MAP4K4: variants seen among roughly 807,000 people sequenced by gnomAD.
The protein encoded by MAP4K4 is HPK/GCK-like kinase HGK.
Under a neutral mutation model 189.6 loss-of-function variants are expected in MAP4K4, and 38 were observed. The ratio of observed to expected loss-of-function variants is 0.20; its 90% CI spans 0.15 to 0.26. The LOEUF (loss-of-function observed/expected upper bound fraction) is 0.26. Among genes scored for constraint, MAP4K4 ranks in the 10% least tolerant of loss-of-function variants. The probability of loss-of-function intolerance (pLI) is 1.00; values close to 1 mark genes in which losing one functional copy is unlikely to be tolerated. For missense variants in MAP4K4, 1,054 were observed against 1,726.9 expected (o/e 0.61, Z 6.91); for synonymous variants, 610 against 624.3 (o/e 0.98, Z 0.34).
intron 3 of MAP4K4, among the ~76,000 whole-genome samples, chr2:101,802,678 G>A (rs1161143967): frequency 1.3e-5 from 2 of 152,082 alleles, no homozygotes; most frequent in South Asian, 2.1e-4. Flanking sequence ...CTATGTCACC[G>A]TATATAACTG....
intron 2 of MAP4K4, among the ~76,000 whole-genome samples, chr2:101,707,303 G>T (rs977069178): frequency 6.6e-6 from 1 of 151,452 alleles, no homozygotes; most frequent in African/African-American, 2.4e-5. Context: ...CCGCCTTGTG[G>T]GTACAAGCAA....
rs926877149 is a variant in MAP4K4, at chr2:101,731,241, C to T, written c.123+32703C>T. 2.0e-5 allele frequency among the ~76,000 whole-genome samples: 3 copies of T among 151,740 alleles called. No homozygotes were observed. The East Asian group carries it at 6.1e-4, about 31-fold the overall frequency. ...AAGTGATTCTATTGCCTCAACCTTCCGAGTAGCTGGGATTACGGGTGTGTG... is the reference window on the plus strand; with the variant it reads ...AAGTGATTCTATTGCCTCAACCTTCTGAGTAGCTGGGATTACGGGTGTGTG... On this transcript the variant is annotated intron_variant, in intron 2 of 32. Coordinates refer to ENST00000324219, the Ensembl canonical transcript of MAP4K4.
intron 3 of MAP4K4, among the ~76,000 whole-genome samples, chr2:101,794,583 A>G (rs1027489958): frequency 2.6e-5 from 4 of 152,228 alleles, no homozygotes; most frequent in Non-Finnish European, 4.4e-5. Flanking sequence ...AGCTATCACC[A>G]TGACACTTCA....
intron 2 of MAP4K4, 124 bp downstream of exon 2, chr2:101,698,662 G>T: frequency 3.6e-6 from 3 of 842,662 alleles, no homozygotes; most frequent in Non-Finnish European, 5.9e-6. Context: ...TGGGAGAGGG[G>T]TTTCTTTCGC....
chr2:101,825,458 C>A, intron 5 of MAP4K4, 29 bp downstream of exon 5: 3 of 1,422,862 alleles, frequency 2.1e-6, no homozygotes, highest in Non-Finnish European at 3.0e-6. Context: ...TACAGTGCTC[C>A]AACTCATGAT....
At chr2:101,814,126 G>A (rs1311049146) in intron 3 of MAP4K4, among the ~76,000 whole-genome samples, 2 of 152,178 alleles carry the variant, frequency 1.3e-5, no homozygotes, top group African/African-American at 4.8e-5. Flanking sequence ...ACTTAGGTGA[G>A]AAGCTGTGAG....
At chr2:101,790,685 G>A (rs1338492073) in intron 2 of MAP4K4, 35 bp from the exon 3 acceptor site, 2 of 1,526,842 alleles carry the variant, frequency 1.3e-6, no homozygotes, top group African/African-American at 1.4e-5. Flanking sequence ...AAAAAAATTG[G>A]TGCTGATTTT....
intron 28 of MAP4K4, among the ~76,000 whole-genome samples, chr2:101,883,514 T>G (rs2098438087): frequency 6.6e-6 from 1 of 152,138 alleles, no homozygotes. Flanking sequence ...AACAATTTTT[T>G]TTTAAACATG....
rs1455914025 is a variant in MAP4K4, at chr2:101,820,824, A to G, written c.181-3104A>G. ...GGAGGGAGCAGGCTCGATGTGCCCCATGACAGCAAGCCCTGGTCGCTACTG... is the reference window on the plus strand; with the variant it reads ...GGAGGGAGCAGGCTCGATGTGCCCCGTGACAGCAAGCCCTGGTCGCTACTG... On this transcript the variant is annotated intron_variant, in intron 3 of 32. Transcript: ENST00000324219. Among the ~76,000 whole-genome samples, 3 of 152,200 alleles carry G rather than the reference A, an allele frequency of 2.0e-5. No homozygotes were observed. In the East Asian group the frequency reaches 5.8e-4, roughly 29 times the overall value.
chr2:101,882,774 TTTGTAATAATAAAC>T, intron 28 of MAP4K4, 89 bp downstream of exon 28: 1 of 1,298,926 alleles, frequency 7.7e-7, no homozygotes, highest in Non-Finnish European at 1.1e-6. Flanking sequence ...TTTTTTGAAG[TTTGTAATAATAAAC>T]TTGTTTCTGA....
rs771041702 is a variant in MAP4K4, at chr2:101,698,465, C to A, written c.58-8C>A. On this transcript the variant is annotated splice_polypyrimidine_tract_variant and splice_region_variant and intron_variant, in intron 1 of 32. Coordinates refer to ENST00000324219, the Ensembl canonical transcript of MAP4K4. ...TAAATGATAACCCCTCCCCTCCTTC[C>A]TCTCCAGGATCCTGCTGGGATTTTT... The A allele has an allele frequency of 6.2e-7, 1 of 1,612,746 alleles. No individual in the cohort carries two copies. The highest frequency in any genetic ancestry group is 1.7e-5 in the Admixed American group (1 of 60,010).
At chr2:101,845,625 A>G (rs921632741) in intron 12 of MAP4K4, among the ~76,000 whole-genome samples, 2 of 152,230 alleles carry the variant, frequency 1.3e-5, no homozygotes, top group African/African-American at 2.4e-5. Flanking sequence ...ATATGTAAAC[A>G]TAGAAAAAGT....
At chr2:101,733,229 T>A (rs1340437633) in intron 2 of MAP4K4, among the ~76,000 whole-genome samples, 2 of 152,084 alleles carry the variant, frequency 1.3e-5, no homozygotes, top group Non-Finnish European at 2.9e-5. Flanking sequence ...AGCCTTTGAC[T>A]CCGAGGAAGG....
chr2:101,814,434 C>T (rs1301594843), intron 3 of MAP4K4, among the ~76,000 whole-genome samples: 4 of 152,182 alleles, frequency 2.6e-5, no homozygotes, highest in Admixed American at 2.6e-4. Flanking sequence ...AGAGACTTCT[C>T]CAGGCATGTG....
chr2:101,768,854 C>G (rs1012418176), intron 2 of MAP4K4, among the ~76,000 whole-genome samples: 2 of 152,152 alleles, frequency 1.3e-5, no homozygotes, highest in African/African-American at 4.8e-5. Flanking sequence ...GGCACAAATG[C>G]CTTTTATTTG....
intron 4 of MAP4K4, among the ~76,000 whole-genome samples, 199 bp downstream of exon 4, chr2:101,824,252 T>A (rs1302297525): frequency 1.3e-5 from 2 of 152,150 alleles, no homozygotes; most frequent in African/African-American, 4.8e-5. Context: ...GATGTCGATT[T>A]CACATTGCGT....
chr2:101,698,171 G>GGGCAGCA, intron 1 of MAP4K4, 34 bp downstream of exon 1: 2 of 959,354 alleles, frequency 2.1e-6, no homozygotes, highest in Non-Finnish European at 2.7e-6. Context: ...CGCGGGGAGC[G>GGGCAGCA]GGCAGCCGGC....
At chr2:101,894,066 T>G (rs139834300) in exon 33 of MAP4K4, 66 of 152,506 alleles carry the variant, frequency 4.3e-4, no homozygotes, top group African/African-American at 1.5e-3. Flanking sequence ...CGTTAAAGAT[T>G]GGGAGTCGTC....
At chr2:101,860,852 C>T (rs1336101195) in exon 16 of MAP4K4, 5 of 1,608,592 alleles carry the variant, frequency 3.1e-6, no homozygotes, top group South Asian at 1.1e-5. Context: ...GAAAACTAAC[C>T]ACAGCTCCCC....
Sources: gnomAD v4.1 joint callset for allele counts (sites outside exome capture counted in the v4.1 genomes callset) on GRCh38, gnomAD v4.1.1 for gene constraint, MANE v1.5 for transcripts, NCBI Gene and HGNC (gene_info 2026-07-23, HGNC 2026-07-21) for gene names.